Variants in SULF2 observed in about 807,000 individuals in gnomAD.
The protein encoded by SULF2 is extracellular sulfatase Sulf-2.
In SULF2, 52 loss-of-function variants were observed where a neutral mutation model predicts 107.7. The ratio of observed to expected loss-of-function variants is 0.48; its 90% CI spans 0.39 to 0.61. The LOEUF (loss-of-function observed/expected upper bound fraction) is 0.61. Among genes scored for constraint, SULF2 ranks in the 20% least tolerant of loss-of-function variants. The probability of loss-of-function intolerance (pLI) is 0.00; values close to 1 mark genes in which losing one functional copy is unlikely to be tolerated. For missense variants in SULF2, 993 were observed against 1,177.3 expected, an observed-to-expected ratio of 0.84 and a Z score of 2.29; for synonymous variants, 460 against 464.3, an observed-to-expected ratio of 0.99 and a Z score of 0.12.
chr20:47,763,527 GC>G (rs1164839310), intron 1 of SULF2, among the ~76,000 whole-genome samples: 1 of 152,192 alleles, frequency 6.6e-6, no homozygotes, highest in African/African-American at 2.4e-5. Flanking sequence ...GGAAGAAGGG[GC>G]CAGAGGCAGA....
chr20:47,672,555 C>T (rs988373632), intron 10 of SULF2, 162 bp from the exon 11 acceptor site: 9 of 985,074 alleles, frequency 9.1e-6, no homozygotes, highest in Admixed American at 1.2e-4. Context: ...CTCTCCACTG[C>T]CACTGCTTGA....
intron 14 of SULF2, 77 bp downstream of exon 14, chr20:47,665,122 C>A: frequency 1.1e-6 from 1 of 905,066 alleles, no homozygotes; most frequent in South Asian, 1.4e-5. Flanking sequence ...TGAAAGGGGT[C>A]AATCACGAGA....
chr20:47,751,107 TG>T (rs2090149047), intron 2 of SULF2, among the ~76,000 whole-genome samples: 1 of 152,208 alleles, frequency 6.6e-6, no homozygotes, highest in South Asian at 2.1e-4. Context: ...CTGTTTAGTT[TG>T]TTTGCTGTTG....
rs113062424 is a variant in SULF2, at chr20:47,682,846, T to C, written c.1064+148A>G. ...CCTTCCCCAGCAGAGGGATATAACA[T>C]GCATGACATAATTGCTTTCCGCTGG... On this transcript the variant is annotated intron_variant, in intron 7 of 20. Transcript: ENST00000688720. 3.2e-5 allele frequency: 24 copies of C among 749,202 alleles called. 3 individuals carry two copies. The highest frequency in any genetic ancestry group is 3.1e-4 in the African/African-American group (18 of 57,314). 46.4% of individuals were successfully genotyped at this position (749,202 alleles called of 1,614,324 possible).
intron 4 of SULF2, among the ~76,000 whole-genome samples, chr20:47,691,313 G>T (rs1434370156): frequency 6.6e-6 from 1 of 152,180 alleles, no homozygotes. Context: ...GAGGTGAGGG[G>T]CATATTTTAG....
intron 3 of SULF2, among the ~76,000 whole-genome samples, chr20:47,714,593 G>A (rs936780712): frequency 2.0e-5 from 3 of 152,168 alleles, no homozygotes; most frequent in Non-Finnish European, 4.4e-5. Context: ...GCAGCCAGAA[G>A]GATCCCATTA....
In SULF2 at chr20:47,680,635, A is replaced by C. The variant is rs1420209752; in HGVS notation, c.1065-1831T>G. The stretch of plus-strand genomic sequence containing the variant: ...GTGAACGTCGGGCAGGCTGCCAAGC[A>C]TGTGTGCAGCTGCTGAAGATGGGGC... On this transcript the variant is annotated intron_variant, in intron 7 of 20. Coordinates refer to ENST00000688720, the MANE Select transcript of SULF2 (RefSeq NM_001387048.1). The surrounding 1 kb of genome is among the most constrained non-coding windows in gnomAD (Gnocchi z 4.2). 6.6e-6 allele frequency among the ~76,000 whole-genome samples: 1 copy of C among 152,198 alleles called. No individual in the cohort carries two copies. Among genetic ancestry groups the C allele is most frequent in the Non-Finnish European group, 1.5e-5 (1 of 68,030 alleles).
At chr20:47,750,318 A>T (rs2090133831) in intron 2 of SULF2, among the ~76,000 whole-genome samples, 1 of 152,206 alleles carries the variant, frequency 6.6e-6, no homozygotes, top group Non-Finnish European at 1.5e-5. Context: ...CTCTGTACAC[A>T]GAAAATCCAT....
At chr20:47,780,015 C>CT (rs74178766) in intron 1 of SULF2, among the ~76,000 whole-genome samples, 9,063 of 120,342 alleles carry the variant, frequency 0.075, 549 homozygotes, top group African/African-American at 0.096. Flanking sequence ...CCCTAGTTGA[C>CT]TTTTTTTTTT....
rs754969207 is a variant in SULF2, at chr20:47,666,181, G to A, written c.1805+79C>T. ...ACCATCCTTGTCATCTTGGTCCTCA[G>A]GGGCCCAAGAGGTGTGGGAAGCCCT... On this transcript the variant is annotated intron_variant, in intron 12 of 20. Coordinates refer to ENST00000688720, the MANE Select transcript of SULF2 (RefSeq NM_001387048.1). This position sits in a 1 kb window ranked among gnomAD's most constrained non-coding sequence, Gnocchi z 5.4. The A allele has an allele frequency of 2.5e-6, 4 of 1,611,816 alleles. No individual in the cohort carries two copies. In the African/African-American group the frequency reaches 5.4e-5, roughly 22 times the overall value.
intron 3 of SULF2, among the ~76,000 whole-genome samples, chr20:47,731,756 T>G (rs2089619151): frequency 1.3e-5 from 2 of 152,246 alleles, no homozygotes; most frequent in South Asian, 4.1e-4. Flanking sequence ...CAAACTGTTC[T>G]TCAAAGTGGA....
chr20:47,699,770 G>A (rs1188442994), intron 4 of SULF2, among the ~76,000 whole-genome samples: 1 of 152,150 alleles, frequency 6.6e-6, no homozygotes, highest in Non-Finnish European at 1.5e-5. Flanking sequence ...GATTTCATAG[G>A]TAAAAAATAC....
intron 2 of SULF2, among the ~76,000 whole-genome samples, chr20:47,747,620 G>A (rs891450400): frequency 6.6e-6 from 1 of 152,142 alleles, no homozygotes; most frequent in Non-Finnish European, 1.5e-5. Flanking sequence ...CAATGGGGCA[G>A]GGCTTCCAGG....
At chr20:47,702,713 T>C in intron 3 of SULF2, 43 bp from the exon 4 acceptor site, 3 of 1,602,270 alleles carry the variant, frequency 1.9e-6, no homozygotes, top group Non-Finnish European at 2.6e-6. Context: ...AGAAAGTGCC[T>C]GACGATGTTT....
At chr20:47,672,573 G>A in intron 10 of SULF2, 180 bp from the exon 11 acceptor site, 11 of 984,290 alleles carry the variant, frequency 1.1e-5, no homozygotes, top group Non-Finnish European at 1.3e-5. Context: ...TGAACCTTGG[G>A]CAGAGCTACC....
intron 3 of SULF2, among the ~76,000 whole-genome samples, chr20:47,730,102 G>A (rs1179764061): frequency 6.6e-6 from 1 of 152,140 alleles, no homozygotes; most frequent in African/African-American, 2.4e-5. Context: ...CCAGGTTCTG[G>A]TCCTCAGCTG....
intron 4 of SULF2, among the ~76,000 whole-genome samples, chr20:47,701,834 G>C (rs1328529094): frequency 2.6e-5 from 4 of 152,180 alleles, no homozygotes; most frequent in African/African-American, 9.7e-5. Flanking sequence ...CCTCGCGGGA[G>C]GGGTGTCGAG....
chr20:47,664,220 A>C, intron 14 of SULF2, 31 bp from the exon 15 acceptor site: 8 of 1,603,414 alleles, frequency 5.0e-6, no homozygotes, highest in Non-Finnish European at 6.8e-6. Flanking sequence ...CCCAGGCTTC[A>C]GGAGTGGCTC....
rs184334635 is a variant in SULF2, at chr20:47,785,454, C to T, written c.-212G>A. ...GACTCCGCGCCGCCGCTGCCGCTGC[C>T]GCCGCCGCCGCCGCCGCTGCCGCTG... On this transcript the variant is annotated 5_prime_UTR_variant, in exon 1 of 21. Coordinates refer to ENST00000688720, the MANE Select transcript of SULF2 (RefSeq NM_001387048.1). 0.55 allele frequency: 84,265 copies of T among 153,510 alleles called. 23,724 individuals carry two copies. Among genetic ancestry groups the T allele is most frequent in the East Asian group, 0.89 (4,664 of 5,266 alleles). The allele number at this position is 153,510 out of a possible 1,614,324, so 9.5% of individuals were successfully genotyped here. A position where few individuals can be genotyped will look rare whatever the true frequency, so the allele number is the denominator to read the frequency against.
Sources: gnomAD v4.1 joint callset for allele counts (sites outside exome capture counted in the v4.1 genomes callset) on GRCh38, gnomAD v4.1.1 for gene constraint, Gnocchi (gnomAD v3.1) non-coding constraint, MANE v1.5 for transcripts, NCBI Gene and HGNC (gene_info 2026-07-23, HGNC 2026-07-21) for gene names.